PKM: variants seen among roughly 807,000 people sequenced by gnomAD.
PKM encodes the protein pyruvate kinase PKM.
In PKM, 18 loss-of-function variants were observed where a neutral mutation model predicts 49.8. The observed-to-expected ratio is 0.36, with a 90% CI of 0.25 to 0.54. PKM has a LOEUF of 0.54. PKM is among the 20% of genes least tolerant of loss of function. The probability of loss-of-function intolerance (pLI) is 0.89; values close to 1 mark genes in which losing one functional copy is unlikely to be tolerated. For synonymous variants in PKM, 239 were observed against 261.8 expected, an observed-to-expected ratio of 0.91 and a Z score of 0.84; for missense variants, 508 against 713.8, an observed-to-expected ratio of 0.71 and a Z score of 3.28.
chr15:72,223,671 C>T (rs577105377), intron 1 of PKM, among the ~76,000 whole-genome samples: 1 of 152,254 alleles, frequency 6.6e-6, no homozygotes, highest in South Asian at 2.1e-4. Context: ...GGGTGACGGG[C>T]CAGCAGAACC....
At chr15:72,221,347 A>G (rs968960703) in intron 1 of PKM, 4 of 933,888 alleles carry the variant, frequency 4.3e-6, no homozygotes, top group Non-Finnish European at 6.5e-6. Flanking sequence ...TGGAAAAATT[A>G]CCTTAATAAC....
At chr15:72,214,130 A>G (rs1189737726) in intron 3 of PKM, among the ~76,000 whole-genome samples, 2 of 152,182 alleles carry the variant, frequency 1.3e-5, no homozygotes, top group Admixed American at 6.5e-5. Context: ...TTTGCTTTCT[A>G]AAGTAAGCAC....
At position 72,210,329 on chromosome 15, in the gene PKM, T is replaced by C; in HGVS notation, c.378+18A>G. 1 of 1,612,444 alleles carries C rather than the reference T, an allele frequency of 6.2e-7. No individual in the cohort carries two copies. Among genetic ancestry groups the C allele is most frequent in the African/African-American group, 1.3e-5 (1 of 74,974 alleles). On this transcript the variant is annotated intron_variant, in intron 4 of 10. Coordinates refer to ENST00000335181, the MANE Select transcript of PKM (RefSeq NM_002654.6). ...ATTGCCTACTGAGCCTTCCCCTCGC[T>C]CTCCGCAGAATACTCACGCCCTTGA...
At position 72,200,574 on chromosome 15, in the gene PKM, G is replaced by C. The variant is rs1270822301; in HGVS notation, c.1389C>G (p.Ala463=). 6.2e-7 allele frequency: 1 copy of C among 1,613,872 alleles called. No individual in the cohort carries two copies. Among genetic ancestry groups the C allele is most frequent in the Non-Finnish European group, 8.5e-7 (1 of 1,179,946 alleles). Residue 463 remains alanine, a synonymous_variant, in exon 10 of 11, where the codon GCC becomes GCG. Transcript: ENST00000335181. This position sits in a 1 kb window ranked among gnomAD's most constrained non-coding sequence, Gnocchi z 4.6. ...VTRNPQTARQ[A]HLYRGIFPVL... is the part of the protein sequence containing the mutation. ...CAGGGAAGATGCCACGGTACAGGTG[G>C]GCCTGACGAGCTGTCTGGGGATTCC...
At chr15:72,229,649 C>T in intron 1 of PKM, 1 of 1,252,590 alleles carries the variant, frequency 8.0e-7, no homozygotes, top group Non-Finnish European at 1.0e-6. Flanking sequence ...CTTCCTGTCC[C>T]CCTCCCTCCC....
chr15:72,219,423 C>T (rs2082465238), intron 1 of PKM: 1 of 240,416 alleles, frequency 4.2e-6, no homozygotes, highest in Admixed American at 4.9e-5. Context: ...AGACAGCTTT[C>T]TCACCACCCT....
chr15:72,227,486 C>T (rs1398270724), intron 1 of PKM, among the ~76,000 whole-genome samples: 4 of 152,098 alleles, frequency 2.6e-5, no homozygotes, highest in African/African-American at 7.2e-5. Context: ...GGCTCACGCC[C>T]GTAATCCCGG....
chr15:72,199,700 G>A lies in PKM; in HGVS notation c.1546C>T (p.Arg516Cys), dbSNP rs753992080. 7.4e-6 allele frequency: 12 copies of A among 1,613,788 alleles called. No individual in the cohort carries two copies. Among genetic ancestry groups the A allele is most frequent in the South Asian group, 3.3e-5 (3 of 91,076 alleles). The change falls in exon 11 of 11, where the codon CGC becomes TGC. Residue 516 changes from arginine (R) to cysteine (C), a missense_variant. Transcript: ENST00000335181. The part of the protein sequence containing the change: ...GDVVIVLTGW[R>C]PGSGFTNTMR... The stretch of plus-strand genomic sequence containing the variant: ...GTGTTGGTGAAGCCGGAGCCAGGGC[G>A]CCATCCGGTCAGCACAATGACCACA...
At chr15:72,206,144 T>A (rs1018907690) in intron 8 of PKM, 1 of 156,734 alleles carries the variant, frequency 6.4e-6, no homozygotes, top group African/African-American at 2.4e-5. Flanking sequence ...TGTACCCCAA[T>A]GGCACAGCAA....
intron 1 of PKM, among the ~76,000 whole-genome samples, chr15:72,223,390 G>A (rs998715766): frequency 8.6e-5 from 13 of 151,950 alleles, no homozygotes; most frequent in Non-Finnish European, 2.9e-5. Context: ...TAAAATGATG[G>A]CACCTGATGC....
At position 72,199,546 on chromosome 15, in the gene PKM, T is replaced by TGC. The variant is rs774005711; in HGVS notation, c.*102_*103dup. On this transcript the variant is annotated 3_prime_UTR_variant, in exon 11 of 11. Transcript: ENST00000335181. ...CTTCCCTGGTGTCCCAACCTACCAG[T>TGC]GCCACGTTACAGCCCAGAGTGAGTT... 1.3e-6 allele frequency: 1 copy of TGC among 799,644 alleles called. No individual in the cohort carries two copies. The highest frequency in any genetic ancestry group is 2.2e-6 in the Non-Finnish European group (1 of 456,344). 49.5% of individuals were successfully genotyped at this position (799,644 alleles called of 1,614,324 possible).
chr15:72,210,608 C>T, intron 3 of PKM, 130 bp from the exon 4 acceptor site: 1 of 987,070 alleles, frequency 1.0e-6, no homozygotes. Flanking sequence ...TCTCCATCCT[C>T]AGCACGATCC....
In PKM at chr15:72,210,458, C is replaced by T; in HGVS notation, c.267G>A (p.Lys89=). The change falls in exon 4 of 11, where the codon AAG becomes AAA. Residue 89 remains lysine, a synonymous_variant. Transcript: ENST00000335181. ...GTHEYHAETI[K]NVRTATESFA... is the part of the protein sequence containing the mutation. ...AGCTTTCCGTGGCTGTGCGCACATTCTTGATGGTCTCCGCATGGTACTGGG... is the reference window on the plus strand; with the variant it reads ...AGCTTTCCGTGGCTGTGCGCACATTTTTGATGGTCTCCGCATGGTACTGGG... The T allele has an allele frequency of 6.2e-7, 1 of 1,614,164 alleles. No homozygotes were observed. The highest frequency in any genetic ancestry group is 8.5e-7 in the Non-Finnish European group (1 of 1,180,036).
At chr15:72,204,678 A>C (rs2082028122) in intron 8 of PKM, 1 of 152,242 alleles carries the variant, frequency 6.6e-6, no homozygotes. Flanking sequence ...ACAGCAATGA[A>C]TATTTAATGC....
Position 72,217,394 on chromosome 15 carries a change from C to A in PKM, c.246+15G>T. 3.2e-6 allele frequency: 5 copies of A among 1,545,488 alleles called. No homozygotes were observed. Among genetic ancestry groups the A allele is most frequent in the Non-Finnish European group, 4.5e-6 (5 of 1,117,590 alleles). ...CAGGCCATCACAATGGCCATAGGGT[C>A]CAGCCACAGCTCACCTCATGAGTTC... On this transcript the variant is annotated intron_variant, in intron 3 of 10. Coordinates refer to ENST00000335181, the MANE Select transcript of PKM (RefSeq NM_002654.6).
chr15:72,226,976 G>A lies in PKM; in HGVS notation c.-14+4140C>T, dbSNP rs8192371. The stretch of plus-strand genomic sequence containing the variant: ...CTCCTGAGCTGAGCAGTCATACCAA[G>A]AGGCAGGAAGGCCCAGCAGATGCTG... On this transcript the variant is annotated intron_variant, in intron 1 of 10. Coordinates refer to ENST00000335181, the MANE Select transcript of PKM (RefSeq NM_002654.6). 1.2e-3 allele frequency among the ~76,000 whole-genome samples: 180 copies of A among 152,346 alleles called. 1 individual carries two copies. Among genetic ancestry groups the A allele is most frequent in the African/African-American group, 4.1e-3 (171 of 41,580 alleles).
chr15:72,206,976 G>A, intron 7 of PKM, 96 bp from the exon 8 acceptor site: 1 of 1,492,964 alleles, frequency 6.7e-7, no homozygotes, highest in Non-Finnish European at 9.3e-7. Context: ...TAGGTACACA[G>A]AGTATGGCTT....
chr15:72,214,722 G>A (rs1013359315), intron 3 of PKM, among the ~76,000 whole-genome samples: 1 of 152,152 alleles, frequency 6.6e-6, no homozygotes, highest in Non-Finnish European at 1.5e-5. Flanking sequence ...TTGAACCCAG[G>A]AGGCAGAGGT....
At chr15:72,228,609 A>G (rs779216912) in intron 1 of PKM, 2 of 1,278,766 alleles carry the variant, frequency 1.6e-6, no homozygotes, top group South Asian at 2.5e-5. Context: ...AAGCAGAATA[A>G]TTGAAAGGTT....
Sources: allele counts gnomAD v4.1 joint callset (sites outside exome capture counted in the v4.1 genomes callset), GRCh38; gene constraint gnomAD v4.1.1; non-coding constraint Gnocchi (gnomAD v3.1); transcripts MANE v1.5; gene names NCBI Gene and HGNC (gene_info 2026-07-23, HGNC 2026-07-21).